The following EVL variants were observed in gnomAD, a reference collection of about 807,000 sequenced individuals.
The protein encoded by EVL is ena/VASP-like protein.
In EVL, 21 loss-of-function variants were observed where a neutral mutation model predicts 59.6. The ratio of observed to expected loss-of-function variants is 0.35; its 90% CI spans 0.25 to 0.51. The LOEUF is 0.51. Ranked by LOEUF, EVL falls within the 20% of genes least tolerant of loss-of-function variation. The pLI, the probability that EVL is intolerant of heterozygous loss-of-function variation, is 0.97. For missense variants in EVL, 462 were observed against 546.6 expected, an observed-to-expected ratio of 0.85 and a Z score of 1.54; for synonymous variants, 198 against 203.5, an observed-to-expected ratio of 0.97 and a Z score of 0.23.
intron 1 of EVL, among the ~76,000 whole-genome samples, chr14:100,056,924 A>G (rs1427326203): frequency 3.9e-5 from 6 of 152,244 alleles, no homozygotes; most frequent in South Asian, 2.1e-4. Flanking sequence ...ATAAAAAATG[A>G]TAGTCCCTTC....
intron 1 of EVL, among the ~76,000 whole-genome samples, chr14:100,026,547 G>A (rs2061216811): frequency 6.6e-6 from 1 of 152,126 alleles, no homozygotes; most frequent in Non-Finnish European, 1.5e-5. Context: ...CACAGATGTA[G>A]GAAAAGTAGG....
At chr14:100,005,056 C>A (rs1161798266) in intron 1 of EVL, among the ~76,000 whole-genome samples, 1 of 152,210 alleles carries the variant, frequency 6.6e-6, no homozygotes, top group Non-Finnish European at 1.5e-5. Flanking sequence ...CAACAGTCAT[C>A]ATTTAAAGTT....
At chr14:100,112,973 A>G (rs989929706) in intron 3 of EVL, among the ~76,000 whole-genome samples, 4 of 152,224 alleles carry the variant, frequency 2.6e-5, no homozygotes, top group Non-Finnish European at 5.9e-5. Flanking sequence ...GCTCACAGCC[A>G]GGTGGAGAGA....
chr14:100,060,788 G>A (rs2061813783), upstream of EVL, among the ~76,000 whole-genome samples: 1 of 151,736 alleles, frequency 6.6e-6, no homozygotes, highest in African/African-American at 2.4e-5. Context: ...CAAAATGAAT[G>A]CAAAAAGAAC....
At chr14:100,101,501 G>T (rs941699845) in intron 3 of EVL, among the ~76,000 whole-genome samples, 4 of 151,994 alleles carry the variant, frequency 2.6e-5, no homozygotes, top group Admixed American at 2.0e-4. Context: ...AAATTAGCTG[G>T]GTGTGGTGAC....
chr14:100,097,208 A>G (rs912402843), intron 2 of EVL, among the ~76,000 whole-genome samples: 3 of 152,240 alleles, frequency 2.0e-5, no homozygotes, highest in African/African-American at 7.2e-5. Flanking sequence ...GGGCCAAACC[A>G]GAGCCAGGGA....
chr14:100,016,918 G>A (rs993965701), intron 1 of EVL, among the ~76,000 whole-genome samples: 2 of 152,142 alleles, frequency 1.3e-5, no homozygotes, highest in Admixed American at 6.5e-5. Flanking sequence ...ACATAAAATA[G>A]CCCAAAAGGG....
chr14:100,135,662 C>T (rs1054307843), intron 8 of EVL: 1 of 477,112 alleles, frequency 2.1e-6, no homozygotes, highest in South Asian at 2.4e-5. Flanking sequence ...TTCTATATCA[C>T]CCTGCTGAGA....
chr14:100,004,450 C>T (rs556108857), intron 1 of EVL, among the ~76,000 whole-genome samples: 1 of 150,952 alleles, frequency 6.6e-6, no homozygotes, highest in Non-Finnish European at 1.5e-5. Context: ...GAAAATGTTA[C>T]TGTTCTAGTC....
intron 1 of EVL, among the ~76,000 whole-genome samples, chr14:100,020,888 A>T (rs953330771): frequency 3.9e-5 from 6 of 152,220 alleles, no homozygotes; most frequent in Non-Finnish European, 7.3e-5. Context: ...CGACAAAGAA[A>T]TTCTTTTTAT....
chr14:100,141,035 A>C (rs1595262577), intron 11 of EVL, 145 bp from the exon 12 acceptor site: 1 of 649,618 alleles, frequency 1.5e-6, no homozygotes, highest in Non-Finnish European at 2.6e-6. Flanking sequence ...CTTCTCAGGC[A>C]GTCTGAGGTG....
At chr14:100,123,388 C>A in intron 3 of EVL, 151 bp from the exon 4 acceptor site, 1 of 678,904 alleles carries the variant, frequency 1.5e-6, no homozygotes, top group Non-Finnish European at 2.6e-6. Flanking sequence ...GTGAGTGATG[C>A]ACAGGTGTGA....
chr14:100,135,195 T>C (rs566977345), intron 8 of EVL: 2 of 152,240 alleles, frequency 1.3e-5, no homozygotes, highest in African/African-American at 4.8e-5. Flanking sequence ...ACCACACAGA[T>C]ACGCAGGGCG....
intron 3 of EVL, among the ~76,000 whole-genome samples, chr14:100,119,181 G>A (rs1056790427): frequency 6.6e-6 from 1 of 152,166 alleles, no homozygotes; most frequent in African/African-American, 2.4e-5. Context: ...TTTGTCTGTG[G>A]CATGATGGGT....
chr14:100,076,952 C>G (rs982867883), intron 1 of EVL, among the ~76,000 whole-genome samples: 7 of 152,142 alleles, frequency 4.6e-5, no homozygotes, highest in Non-Finnish European at 1.0e-4. Context: ...TCTTAATTCT[C>G]CAGACAACCC....
intron 1 of EVL, among the ~76,000 whole-genome samples, chr14:100,004,321 T>G (rs1265236700): frequency 1.3e-5 from 2 of 152,186 alleles, no homozygotes; most frequent in Non-Finnish European, 2.9e-5. Context: ...GCAGTACTAT[T>G]TCACACCTTT....
chr14:100,129,773 C>T, intron 7 of EVL, 89 bp downstream of exon 7: 1 of 1,424,082 alleles, frequency 7.0e-7, no homozygotes, highest in Admixed American at 3.0e-5. Context: ...CCTCTCTTGA[C>T]CCCAGAATCT....
At chr14:100,083,909 A>T (rs1199541957) in intron 1 of EVL, among the ~76,000 whole-genome samples, 1 of 152,198 alleles carries the variant, frequency 6.6e-6, no homozygotes, top group Non-Finnish European at 1.5e-5. Flanking sequence ...TAATCACTGA[A>T]TACGTGTATG....
At chr14:100,012,821 G>A (rs1047742288) in intron 1 of EVL, among the ~76,000 whole-genome samples, 4 of 152,224 alleles carry the variant, frequency 2.6e-5, no homozygotes, top group African/African-American at 9.6e-5. Flanking sequence ...CAATTGAGTT[G>A]TGAGAAAAAC....
Sources: allele counts gnomAD v4.1 joint callset (sites outside exome capture counted in the v4.1 genomes callset), GRCh38; gene constraint gnomAD v4.1.1; transcripts MANE v1.5; gene names NCBI Gene and HGNC (gene_info 2026-07-23, HGNC 2026-07-21).